GALNT2: variants seen among roughly 807,000 people sequenced by gnomAD.
GALNT2 encodes UDP-GalNAc:polypeptide N-acetylgalactosaminyltransferase 2.
Under a neutral mutation model 81.4 loss-of-function variants are expected in GALNT2, and 31 were observed. That is an observed-to-expected ratio of 0.38 (90% CI 0.29 to 0.51). The LOEUF is 0.51. Among genes scored for constraint, GALNT2 ranks in the 20% least tolerant of loss-of-function variants. The probability of loss-of-function intolerance (pLI) is 0.87; values close to 1 mark genes in which losing one functional copy is unlikely to be tolerated. For missense variants in GALNT2, 629 were observed against 765.7 expected, an observed-to-expected ratio of 0.82 and a Z score of 2.11; for synonymous variants, 303 against 287.4, an observed-to-expected ratio of 1.05 and a Z score of -0.55.
At chr1:230,249,906 G>T (rs368768293) in intron 9 of GALNT2, among the ~76,000 whole-genome samples, 2 of 152,178 alleles carry the variant, frequency 1.3e-5, no homozygotes, top group Non-Finnish European at 2.9e-5. Flanking sequence ...GCACAGCATC[G>T]CTTCTGGGAA....
chr1:230,269,997 C>T (rs550893102), intron 14 of GALNT2, among the ~76,000 whole-genome samples: 5 of 152,178 alleles, frequency 3.3e-5, no homozygotes, highest in South Asian at 2.1e-4. Context: ...GTCTGGAGTT[C>T]GAGACCAGCC....
intron 2 of GALNT2, among the ~76,000 whole-genome samples, chr1:230,185,283 T>C (rs1029435105): frequency 7.5e-6 from 1 of 133,556 alleles, no homozygotes; most frequent in Admixed American, 7.5e-5. Flanking sequence ...CGTGTGTGTG[T>C]GTGTGTGTGT....
chr1:230,099,652 C>G (rs893980346), intron 1 of GALNT2, among the ~76,000 whole-genome samples: 10 of 152,226 alleles, frequency 6.6e-5, no homozygotes, highest in African/African-American at 2.4e-4. Context: ...AGAAGGTTTG[C>G]TGTGGCCCAT....
intron 1 of GALNT2, among the ~76,000 whole-genome samples, chr1:230,176,980 G>A (rs1663000520): frequency 6.6e-6 from 1 of 152,174 alleles, no homozygotes; most frequent in Non-Finnish European, 1.5e-5. Context: ...CATTTTCACG[G>A]CAGCCCTGAT....
At chr1:230,074,132 A>G (rs181610712) in intron 1 of GALNT2, among the ~76,000 whole-genome samples, 244 of 150,308 alleles carry the variant, frequency 1.6e-3, no homozygotes, top group African/African-American at 5.8e-3. Context: ...GTACTCTGCC[A>G]CCCAGGTTAG....
chr1:230,236,535 A>T, intron 5 of GALNT2, 115 bp downstream of exon 5: 1 of 1,408,744 alleles, frequency 7.1e-7, no homozygotes, highest in Non-Finnish European at 9.9e-7. Context: ...CCACAGAAAG[A>T]AGAGGTGCCT....
chr1:230,215,143 A>C (rs1664350478), intron 3 of GALNT2, among the ~76,000 whole-genome samples: 1 of 152,188 alleles, frequency 6.6e-6, no homozygotes, highest in African/African-American at 2.4e-5. Flanking sequence ...CTCTTTTGCC[A>C]CTAGGAAGTA....
chr1:230,221,774 T>A (rs1664554011), intron 3 of GALNT2, among the ~76,000 whole-genome samples: 1 of 152,204 alleles, frequency 6.6e-6, no homozygotes, highest in African/African-American at 2.4e-5. Flanking sequence ...TATTGACATG[T>A]GTTCAGTTTT....
intron 1 of GALNT2, 96 bp downstream of exon 1, chr1:230,067,502 C>T (rs1659232250): frequency 2.4e-6 from 1 of 411,556 alleles, no homozygotes; most frequent in Non-Finnish European, 3.7e-6. Context: ...TGCGCTCCTC[C>T]GCCCGGACCT....
At chr1:230,250,859 A>C (rs1177704606) in intron 10 of GALNT2, among the ~76,000 whole-genome samples, 1 of 152,166 alleles carries the variant, frequency 6.6e-6, no homozygotes, top group Non-Finnish European at 1.5e-5. Flanking sequence ...AGGCTTGCAA[A>C]AACAGAGGGA....
intron 1 of GALNT2, among the ~76,000 whole-genome samples, chr1:230,131,512 C>T (rs192442180): frequency 1.8e-4 from 28 of 152,284 alleles, no homozygotes; most frequent in African/African-American, 6.3e-4. Context: ...TCTGCCTCCC[C>T]GCCTTTAAAA....
intron 3 of GALNT2, among the ~76,000 whole-genome samples, chr1:230,212,604 A>G (rs1362043246): frequency 6.6e-6 from 1 of 152,142 alleles, no homozygotes; most frequent in African/African-American, 2.4e-5. Context: ...TGGCAGGCTC[A>G]GCGAGATATA....
chr1:230,092,185 T>TGTTTTTTTTTTTG lies in GALNT2; in HGVS notation c.126+24779_126+24780insGTTTTTTTTTTTG, dbSNP rs371156205. On this transcript the variant is annotated intron_variant, in intron 1 of 15. Coordinates refer to ENST00000366672, the MANE Select transcript of GALNT2 (RefSeq NM_004481.5). ...ACCTTATATTCCTTTAGTTTTTTTT[T>TGTTTTTTTTTTTG]TTTTTTTTTTTGCACTGATCTTTCT... Among the ~76,000 whole-genome samples, 45 of 114,268 alleles carry TGTTTTTTTTTTTG rather than the reference T, an allele frequency of 3.9e-4. 2 individuals carry two copies. The highest frequency in any genetic ancestry group is 1.4e-3 in the East Asian group (6 of 4,198). The allele number at this position is 114,268 out of a possible 152,430, so 75.0% of individuals were successfully genotyped here.
rs1253823404 is a variant in GALNT2, at chr1:230,070,230, C to T, written c.126+2824C>T. On this transcript the variant is annotated intron_variant, in intron 1 of 15. Transcript: ENST00000366672. The surrounding 1 kb of genome is among the most constrained non-coding windows in gnomAD (Gnocchi z 4.7). ...ATTGTTTAAAATTATGTTTCATTTA[C>T]ATTTGTGTCCATACCCTTTCCCCCC... 6.6e-6 allele frequency among the ~76,000 whole-genome samples: 1 copy of T among 152,154 alleles called. No individual in the cohort carries two copies. Among genetic ancestry groups the T allele is most frequent in the African/African-American group, 2.4e-5 (1 of 41,422 alleles).
At chr1:230,119,643 C>A (rs1030057994) in intron 1 of GALNT2, among the ~76,000 whole-genome samples, 1 of 152,144 alleles carries the variant, frequency 6.6e-6, no homozygotes. Flanking sequence ...GAACTCCCCC[C>A]ACCCCCACTA....
intron 3 of GALNT2, among the ~76,000 whole-genome samples, chr1:230,233,181 T>C (rs906679996): frequency 6.6e-6 from 1 of 152,194 alleles, no homozygotes; most frequent in Non-Finnish European, 1.5e-5. Context: ...TCCTTAAATG[T>C]TTTTAGCGAT....
Position 230,279,568 on chromosome 1 carries a change from T to TA in GALNT2, c.*111dup. Reference sequence around the variant, plus strand: ...TTTCCGCGAAACTAATATACCTCAGTATTCCATCATGGTCTGAAAGTCAAA... The same window carrying TA: ...TTTCCGCGAAACTAATATACCTCAGTAATTCCATCATGGTCTGAAAGTCAAA... On this transcript the variant is annotated 3_prime_UTR_variant, in exon 16 of 16. Coordinates refer to ENST00000366672, the MANE Select transcript of GALNT2 (RefSeq NM_004481.5). The surrounding 1 kb of genome is among the most constrained non-coding windows in gnomAD (Gnocchi z 4.6). 7.6e-7 allele frequency: 1 copy of TA among 1,319,230 alleles called. No homozygotes were observed. The highest frequency in any genetic ancestry group is 1.0e-6 in the Non-Finnish European group (1 of 970,652). The allele number at this position is 1,319,230 out of a possible 1,614,324, so 81.7% of individuals were successfully genotyped here.
chr1:230,116,853 G>C (rs1660863650), intron 1 of GALNT2, among the ~76,000 whole-genome samples: 1 of 152,230 alleles, frequency 6.6e-6, no homozygotes, highest in South Asian at 2.1e-4. Context: ...AAGGGTGCTA[G>C]GAGTTTCGGA....
intron 2 of GALNT2, among the ~76,000 whole-genome samples, chr1:230,196,467 G>A (rs1663698705): frequency 6.6e-6 from 1 of 152,182 alleles, no homozygotes; most frequent in African/African-American, 2.4e-5. Context: ...GAGGGTGGTG[G>A]ACTGTTTTTC....
Sources: gnomAD v4.1 joint callset for allele counts (sites outside exome capture counted in the v4.1 genomes callset) on GRCh38, gnomAD v4.1.1 for gene constraint, Gnocchi (gnomAD v3.1) non-coding constraint, MANE v1.5 for transcripts, NCBI Gene and HGNC (gene_info 2026-07-23, HGNC 2026-07-21) for gene names.